FEM1A: variants seen among roughly 807,000 people sequenced by gnomAD.
FEM1A encodes fem-1 homolog A.
A neutral mutation model predicts 0.7 loss-of-function variants in FEM1A; 1 was observed. The observed-to-expected ratio is 1.35, with a 90% CI of 0.48 to 6.40. The LOEUF (loss-of-function observed/expected upper bound fraction) is 6.40, where lower values mean the gene tolerates loss of function less well. Ranked by LOEUF, FEM1A falls within the 30% of genes most tolerant of loss-of-function variation. The probability of loss-of-function intolerance (pLI) is 0.14; values close to 1 mark genes in which losing one functional copy is unlikely to be tolerated. For synonymous variants in FEM1A, 391 were observed against 420.6 expected, an observed-to-expected ratio of 0.93 and a Z score of 0.86; for missense variants, 721 against 918.7, an observed-to-expected ratio of 0.78 and a Z score of 2.78.
rs138347035 is a variant in FEM1A, at chr19:4,793,310, G to C, written c.1456G>C (p.Gly486Arg). ...GGCCCTGCAGCTGCCCAGGGAGCCC[G>C]GAGACTCAGCCCAGTTCACCAAGGC... ...ERALQLPREP[G>R]DSAQFTKALA... Residue 486 changes from glycine (G) to arginine (R), a missense_variant, in exon 1 of 1, where the codon GGA becomes CGA. By Grantham distance (125) the Gly-to-Arg change is moderately radical. Transcript: ENST00000269856. This position sits in a 1 kb window ranked among gnomAD's most constrained non-coding sequence, Gnocchi z 5.1. The C allele has an allele frequency of 8.1e-6, 13 of 1,612,844 alleles. No homozygotes were observed. The highest frequency in any genetic ancestry group is 7.6e-6 in the Non-Finnish European group (9 of 1,179,854).
Position 4,791,785 on chromosome 19 carries a change from C to T in FEM1A, c.-70C>T, listed in dbSNP as rs1314593675. On this transcript the variant is annotated 5_prime_UTR_variant, in exon 1 of 1. Coordinates refer to ENST00000269856, the MANE Select transcript of FEM1A (RefSeq NM_018708.3). Reference sequence around the variant, plus strand: ...GGGACGGTGAAGGTTGCCTCCCGCCCGTCCGGGCTCTGATCCTCCGTCTCC... The same window carrying T: ...GGGACGGTGAAGGTTGCCTCCCGCCTGTCCGGGCTCTGATCCTCCGTCTCC... The T allele has an allele frequency of 1.9e-5, 26 of 1,384,298 alleles. No individual in the cohort carries two copies. The East Asian group carries it at 4.0e-4, about 21-fold the overall frequency. 85.8% of individuals were successfully genotyped at this position (1,384,298 alleles called of 1,614,324 possible).
In FEM1A at chr19:4,791,765, G is replaced by C. The variant is rs903617563; in HGVS notation, c.-90G>C. 12 of 1,298,230 alleles carry C rather than the reference G, an allele frequency of 9.2e-6. No individual in the cohort carries two copies. The Admixed American group carries it at 2.3e-4, about 24-fold the overall frequency. 80.4% of individuals were successfully genotyped at this position (1,298,230 alleles called of 1,614,324 possible). ...ACCCTAAGATGGCGGCGAGGGGGAC[G>C]GTGAAGGTTGCCTCCCGCCCGTCCG... On this transcript the variant is annotated 5_prime_UTR_variant, in exon 1 of 1. Transcript: ENST00000269856.
rs1328604099 is a variant in FEM1A at position 4,793,205 on chromosome 19, G to A, written c.1351G>A (p.Ala451Thr). 2 of 1,613,222 alleles carry A rather than the reference G, an allele frequency of 1.2e-6. No individual in the cohort carries two copies. Among genetic ancestry groups the A allele is most frequent in the Non-Finnish European group, 1.7e-6 (2 of 1,180,028 alleles). Residue 451 changes from alanine (A) to threonine (T), a missense_variant, in exon 1 of 1, where the codon GCC becomes ACC. Physicochemically the swap from Ala to Thr is moderately conservative, Grantham distance 58. This residue lies in a region of FEM1A where 379 missense variants were observed against 454.8 expected (regional missense o/e 0.83). Transcript: ENST00000269856. The surrounding 1 kb of genome is among the most constrained non-coding windows in gnomAD (Gnocchi z 5.1). The part of the protein sequence containing the change: ...LFSYVLQDRA[A>T]KGSLGTQIGF... ...CTCCTACGTGCTTCAGGACCGGGCCGCCAAAGGCAGCCTGGGCACCCAGAT... is the reference window on the plus strand; with the variant it reads ...CTCCTACGTGCTTCAGGACCGGGCCACCAAAGGCAGCCTGGGCACCCAGAT...
Position 4,791,914 on chromosome 19 carries a change from G to A in FEM1A, c.60G>A (p.Gln20=). 1 of 1,525,296 alleles carries A rather than the reference G, an allele frequency of 6.6e-7. No individual in the cohort carries two copies. The highest frequency in any genetic ancestry group is 8.7e-7 in the Non-Finnish European group (1 of 1,143,124). 94.5% of individuals were successfully genotyped at this position (1,525,296 alleles called of 1,614,324 possible). ...AARDGKLQLL[Q]KLLSGRSREE... ...GTGATGGCAAGCTGCAGCTGCTCCAGAAGCTGCTCAGCGGCCGGAGCCGGG... is the reference window on the plus strand; with the variant it reads ...GTGATGGCAAGCTGCAGCTGCTCCAAAAGCTGCTCAGCGGCCGGAGCCGGG... The change falls in exon 1 of 1, where the codon CAG becomes CAA. Residue 20 remains glutamine (Q), a synonymous_variant. Coordinates refer to ENST00000269856, the MANE Select transcript of FEM1A (RefSeq NM_018708.3).
Position 4,791,793 on chromosome 19 carries a change from C to T in FEM1A, c.-62C>T. ...GAAGGTTGCCTCCCGCCCGTCCGGG[C>T]TCTGATCCTCCGTCTCCCCGTCCCC... On this transcript the variant is annotated 5_prime_UTR_variant, in exon 1 of 1. Transcript: ENST00000269856. The T allele has an allele frequency of 7.1e-7, 1 of 1,412,984 alleles. No homozygotes were observed. Among genetic ancestry groups the T allele is most frequent in the South Asian group, 1.4e-5 (1 of 70,620 alleles). 87.5% of individuals were successfully genotyped at this position (1,412,984 alleles called of 1,614,324 possible).
Position 4,794,292 on chromosome 19 carries a change from T to C in FEM1A, c.*428T>C. On this transcript the variant is annotated 3_prime_UTR_variant, in exon 1 of 1. Coordinates refer to ENST00000269856, the MANE Select transcript of FEM1A (RefSeq NM_018708.3). The stretch of plus-strand genomic sequence containing the variant: ...TACCTGGCCAGATAACTCCAGCCGC[T>C]GAATACAGTGTTAGGACTGGGGGCT... The C allele has an allele frequency of 4.4e-6, 1 of 226,976 alleles. No homozygotes were observed. The highest frequency in any genetic ancestry group is 5.2e-5 in the Admixed American group (1 of 19,100). The allele number at this position is 226,976 out of a possible 1,614,324, so 14.1% of individuals were successfully genotyped here.
Position 4,796,190 on chromosome 19 carries a change from T to A in FEM1A, c.*2326T>A, listed in dbSNP as rs1971012. 7,431 of 87,124 alleles carry A rather than the reference T, an allele frequency of 0.085. 344 individuals are homozygous for A. Among genetic ancestry groups the A allele is most frequent in the African/African-American group, 0.23 (4,489 of 19,468 alleles). The allele number at this position is 87,124 out of a possible 1,614,324, so 5.4% of individuals were successfully genotyped here. A position where few individuals can be genotyped will look rare whatever the true frequency, so the allele number is the denominator to read the frequency against. On this transcript the variant is annotated 3_prime_UTR_variant, in exon 1 of 1. Transcript: ENST00000269856. ...ACATAGTAAGACCTCTGTCTCTACA[T>A]TTTTTTTTTTTTTTTTTTTGAGATG...
chr19:4,793,605 C>A lies in FEM1A; in HGVS notation c.1751C>A (p.Pro584Gln). The A allele has an allele frequency of 6.2e-7, 1 of 1,612,802 alleles. No homozygotes were observed. The highest frequency in any genetic ancestry group is 8.5e-7 in the Non-Finnish European group (1 of 1,179,834). The change falls in exon 1 of 1, where the codon CCG (proline) becomes CAG (glutamine). Residue 584 changes from proline to glutamine, a missense_variant. By Grantham distance (76) the Pro-to-Gln change is moderately conservative. Coordinates refer to ENST00000269856, the MANE Select transcript of FEM1A (RefSeq NM_018708.3). This position sits in a 1 kb window ranked among gnomAD's most constrained non-coding sequence, Gnocchi z 5.1. Reference protein sequence around the residue: ...PDSRDFDNNTPLHIAAQNNCP... With the variant: ...PDSRDFDNNTQLHIAAQNNCP... ...AGCAGGGATTTTGACAACAACACCCCGCTACACATAGCAGCCCAGAACAAC... is the reference window on the plus strand; with the variant it reads ...AGCAGGGATTTTGACAACAACACCCAGCTACACATAGCAGCCCAGAACAAC...
Position 4,794,049 on chromosome 19 carries a change from C to T in FEM1A, c.*185C>T. On this transcript the variant is annotated 3_prime_UTR_variant, in exon 1 of 1. Transcript: ENST00000269856. ...GTTAGCGAGCCTTTGGTGCTAGAAG[C>T]CTGCGGGGTCATGTGCTAAGAGGAC... 1 of 635,084 alleles carries T rather than the reference C, an allele frequency of 1.6e-6. No individual in the cohort carries two copies. Among genetic ancestry groups the T allele is most frequent in the South Asian group, 2.0e-5 (1 of 50,636 alleles). 39.3% of individuals were successfully genotyped at this position (635,084 alleles called of 1,614,324 possible). A position where few individuals can be genotyped will look rare whatever the true frequency, so the allele number is the denominator to read the frequency against.
chr19:4,792,633 C>A lies in FEM1A; in HGVS notation c.779C>A (p.Thr260Asn). 6.2e-7 allele frequency: 1 copy of A among 1,611,962 alleles called. No individual in the cohort carries two copies. Among genetic ancestry groups the A allele is most frequent in the East Asian group, 2.2e-5 (1 of 44,878 alleles). ...QPGLPQEDPS[T>N]SQGCAQPQGA... The stretch of plus-strand genomic sequence containing the variant: ...GGGCTGCCCCAAGAAGACCCCTCCA[C>A]CAGCCAGGGGTGTGCGCAGCCTCAG... The change falls in exon 1 of 1, where the codon ACC becomes AAC. Residue 260 changes from threonine (T) to asparagine (N), a missense_variant. Physicochemically the swap from Thr to Asn is moderately conservative, Grantham distance 65. This residue lies in a region of FEM1A where 137 missense variants were observed against 121.7 expected (regional missense o/e 1.13). Coordinates refer to ENST00000269856, the MANE Select transcript of FEM1A (RefSeq NM_018708.3). The surrounding 1 kb of genome is among the most constrained non-coding windows in gnomAD (Gnocchi z 6.7).
Position 4,793,546 on chromosome 19 carries a change from C to G in FEM1A, c.1692C>G (p.Val564=). ...GCAGATTCCCCTCCCTGCACGTGGT[C>G]AAAGTGCTGCTCGACTGCGGGGCCG... The part of the protein sequence containing the change: ...PVGRFPSLHV[V]KVLLDCGADP... The change falls in exon 1 of 1, where the codon GTC becomes GTG. Residue 564 remains valine, a synonymous_variant. Transcript: ENST00000269856. The surrounding 1 kb of genome is among the most constrained non-coding windows in gnomAD (Gnocchi z 5.1). 6.2e-7 allele frequency: 1 copy of G among 1,613,068 alleles called. No homozygotes were observed. The highest frequency in any genetic ancestry group is 2.2e-5 in the East Asian group (1 of 44,884).
At position 4,801,136 on chromosome 19, in the gene FEM1A, G is replaced by C. The variant is rs903027084; in HGVS notation, c.*7272G>C. ...ACCCCCTCCCTCCACCCTGTGCCTT[G>C]ATATCTCCTATTAAAGCTTGTGTTT... On this transcript the variant is annotated 3_prime_UTR_variant, in exon 1 of 1. Transcript: ENST00000269856. 9.2e-5 allele frequency: 14 copies of C among 152,192 alleles called. No homozygotes were observed. Among genetic ancestry groups the C allele is most frequent in the African/African-American group, 3.4e-4 (14 of 41,522 alleles). The allele number at this position is 152,192 out of a possible 1,614,324, so 9.4% of individuals were successfully genotyped here.
rs1386604388 is a variant in FEM1A at position 4,792,637 on chromosome 19, C to T, written c.783C>T (p.Ser261=). The stretch of plus-strand genomic sequence containing the variant: ...TGCCCCAAGAAGACCCCTCCACCAG[C>T]CAGGGGTGTGCGCAGCCTCAGGGGG... ...PGLPQEDPST[S]QGCAQPQGAP... Residue 261 remains serine (S), a synonymous_variant, in exon 1 of 1, where the codon AGC becomes AGT. Transcript: ENST00000269856. The surrounding 1 kb of genome is among the most constrained non-coding windows in gnomAD (Gnocchi z 6.7). 2.5e-6 allele frequency: 4 copies of T among 1,611,860 alleles called. No individual in the cohort carries two copies. The highest frequency in any genetic ancestry group is 3.4e-6 in the Non-Finnish European group (4 of 1,179,798).
Position 4,792,895 on chromosome 19 carries a change from C to T in FEM1A, c.1041C>T (p.Ala347=). 6.2e-7 allele frequency: 1 copy of T among 1,612,448 alleles called. No individual in the cohort carries two copies. The highest frequency in any genetic ancestry group is 8.5e-7 in the Non-Finnish European group (1 of 1,179,996). Residue 347 remains alanine, a synonymous_variant, in exon 1 of 1, where the codon GCC becomes GCT. Transcript: ENST00000269856. The surrounding 1 kb of genome is among the most constrained non-coding windows in gnomAD (Gnocchi z 6.7). ...PKPEPPQLVL[A]YDYSREVNTT... ...CGGAGCCCCCACAGCTGGTCCTGGC[C>T]TATGACTATTCCAGGGAGGTCAACA...
chr19:4,792,732 G>C lies in FEM1A; in HGVS notation c.878G>C (p.Ser293Thr), dbSNP rs558374551. The stretch of plus-strand genomic sequence containing the variant: ...TCTTACGAAAGCTGCTGTCCCACCA[G>C]CCGGGAAGCTGCCGTGGAAGCCTTG... ...GESYESCCPT[S>T]REAAVEALEL... The change falls in exon 1 of 1, where the codon AGC becomes ACC. Residue 293 changes from serine to threonine, a missense_variant. By Grantham distance (58) the Ser-to-Thr change is moderately conservative. Coordinates refer to ENST00000269856, the MANE Select transcript of FEM1A (RefSeq NM_018708.3). This position sits in a 1 kb window ranked among gnomAD's most constrained non-coding sequence, Gnocchi z 6.7. 7 of 1,612,090 alleles carry C rather than the reference G, an allele frequency of 4.3e-6. No individual in the cohort carries two copies. The East Asian group carries it at 1.6e-4, about 36-fold the overall frequency.
Position 4,792,858 on chromosome 19 carries a change from A to G in FEM1A, c.1004A>G (p.Tyr335Cys). ...GAGCTGCGTCACCAGGGGGGCGAGT[A>G]CCTGCCCAAACCGGAGCCCCCACAG... is the stretch of plus-strand genomic sequence containing the variant. ...AMELRHQGGE[Y>C]LPKPEPPQLV... The change falls in exon 1 of 1, where the codon TAC becomes TGC. Residue 335 changes from tyrosine (Y) to cysteine (C), a missense_variant. Physicochemically the swap from Tyr to Cys is radical, Grantham distance 194. This residue lies in a region of FEM1A where 379 missense variants were observed against 454.8 expected (regional missense o/e 0.83). Transcript: ENST00000269856. The surrounding 1 kb of genome is among the most constrained non-coding windows in gnomAD (Gnocchi z 6.7). 2 of 1,612,130 alleles carry G rather than the reference A, an allele frequency of 1.2e-6. No homozygotes were observed. The highest frequency in any genetic ancestry group is 1.7e-6 in the Non-Finnish European group (2 of 1,179,996).
In FEM1A at chr19:4,793,206, C is replaced by G; in HGVS notation, c.1352C>G (p.Ala451Gly). ...TCCTACGTGCTTCAGGACCGGGCCG[C>G]CAAAGGCAGCCTGGGCACCCAGATC... ...LFSYVLQDRA[A>G]KGSLGTQIGF... is the part of the protein sequence containing the mutation. Residue 451 changes from alanine (A) to glycine (G), a missense_variant, in exon 1 of 1, where the codon GCC (alanine) becomes GGC (glycine). By Grantham distance (60) the Ala-to-Gly change is moderately conservative (BLOSUM62 0). This residue lies in a region of FEM1A where 379 missense variants were observed against 454.8 expected (regional missense o/e 0.83). Coordinates refer to ENST00000269856, the MANE Select transcript of FEM1A (RefSeq NM_018708.3). This position sits in a 1 kb window ranked among gnomAD's most constrained non-coding sequence, Gnocchi z 5.1. 6.2e-7 allele frequency: 1 copy of G among 1,613,414 alleles called. No homozygotes were observed. Among genetic ancestry groups the G allele is most frequent in the Non-Finnish European group, 8.5e-7 (1 of 1,180,018 alleles).
At position 4,793,174 on chromosome 19, in the gene FEM1A, A is replaced by G; in HGVS notation, c.1320A>G (p.Glu440=). The G allele has an allele frequency of 6.2e-7, 1 of 1,613,218 alleles. No homozygotes were observed. Among genetic ancestry groups the G allele is most frequent in the Non-Finnish European group, 8.5e-7 (1 of 1,179,972 alleles). Residue 440 remains glutamate, a synonymous_variant, in exon 1 of 1, where the codon GAA becomes GAG. Transcript: ENST00000269856. This position sits in a 1 kb window ranked among gnomAD's most constrained non-coding sequence, Gnocchi z 5.1. Reference sequence around the variant, plus strand: ...CCAGCAGCTTCCTCTCCTTCGCGGAACTCTTCTCCTACGTGCTTCAGGACC... The same window carrying G: ...CCAGCAGCTTCCTCTCCTTCGCGGAGCTCTTCTCCTACGTGCTTCAGGACC... The part of the protein sequence containing the change: ...MTASSFLSFA[E]LFSYVLQDRA...
Position 4,797,268 on chromosome 19 carries a change from TCTC to T in FEM1A, c.*3407_*3409del, listed in dbSNP as rs1350175851. On this transcript the variant is annotated 3_prime_UTR_variant, in exon 1 of 1. Transcript: ENST00000269856. ...GCTCAGCCTCCCGGGTTCACACCAT[TCTC>T]CTGCCTCAGCCTCCCGAGTAGCTGG... 6.7e-6 allele frequency: 1 copy of T among 149,700 alleles called. No homozygotes were observed. The highest frequency in any genetic ancestry group is 1.5e-5 in the Non-Finnish European group (1 of 67,630). The allele number at this position is 149,700 out of a possible 1,614,324, so 9.3% of individuals were successfully genotyped here.
Sources: gnomAD v4.1 joint callset for allele counts on GRCh38, gnomAD v4.1.1 for gene constraint, gnomAD v4.1.1 regional missense constraint, Gnocchi (gnomAD v3.1) non-coding constraint, MANE v1.5 for transcripts, NCBI Gene and HGNC (gene_info 2026-07-23, HGNC 2026-07-21) for gene names.